Variants in PCDHB15 observed in about 807,000 individuals in gnomAD.
The protein encoded by PCDHB15 is protocadherin beta 15, also known as protocadherin beta-15.
For missense variants in PCDHB15, 1,032 were observed against 991.7 expected (o/e 1.04, Z -0.55); for synonymous variants, 492 against 447.9 (o/e 1.10, Z -1.24).
Position 141,245,597 on chromosome 5 carries a change from C to A in PCDHB15, c.19C>A (p.Arg7Ser), listed in dbSNP as rs147410183. The A allele has an allele frequency of 8.1e-6, 13 of 1,614,004 alleles. No homozygotes were observed. The Admixed American group carries it at 8.3e-5, about 10-fold the overall frequency. ...AGTAAAGATGGAGCCTGCAGGGGAG[C>A]GCTTTCCCGAACAAAGGCAAGTCCT... MEPAGERFPEQRQVLIL... is the reference protein window; with the variant it reads MEPAGESFPEQRQVLIL... Residue 7 changes from arginine to serine, a missense_variant, in exon 1 of 1, where the codon CGC becomes AGC. Coordinates refer to ENST00000231173, the MANE Select transcript of PCDHB15 (RefSeq NM_018935.4).
In PCDHB15 at chr5:141,246,940, C is replaced by T. The variant is rs1755280618; in HGVS notation, c.1362C>T (p.Thr454=). Residue 454 remains threonine (T), a synonymous_variant, in exon 1 of 1, where the codon ACC becomes ACT. Transcript: ENST00000231173. ...ACAACGCCCCCGCCTTCACCCAAAC[C>T]TCCTACACCCTGTTCGTCCGCGAGA... ...VNDNAPAFTQ[T]SYTLFVRENN... The T allele has an allele frequency of 1.2e-6, 2 of 1,613,474 alleles. No individual in the cohort carries two copies. The highest frequency in any genetic ancestry group is 1.7e-6 in the Non-Finnish European group (2 of 1,180,008).
Position 141,246,962 on chromosome 5 carries a change from G to A in PCDHB15, c.1384G>A (p.Glu462Lys). ...AACCTCCTACACCCTGTTCGTCCGC[G>A]AGAACAACAGCCCCGCCCTGCACAT... ...TQTSYTLFVR[E>K]NNSPALHIGS... Residue 462 changes from glutamate (E) to lysine (K), a missense_variant, in exon 1 of 1, where the codon GAG becomes AAG. Physicochemically the swap from Glu to Lys is moderately conservative, Grantham distance 56. Coordinates refer to ENST00000231173, the MANE Select transcript of PCDHB15 (RefSeq NM_018935.4). 6.2e-7 allele frequency: 1 copy of A among 1,613,272 alleles called. No individual in the cohort carries two copies. Among genetic ancestry groups the A allele is most frequent in the Non-Finnish European group, 8.5e-7 (1 of 1,180,012 alleles).
chr5:141,249,103 G>A lies in PCDHB15; in HGVS notation c.*1161G>A, dbSNP rs1230900776. The A allele has an allele frequency of 1.2e-4, 19 of 152,046 alleles. No homozygotes were observed. Among genetic ancestry groups the A allele is most frequent in the African/African-American group, 4.6e-4 (19 of 41,400 alleles). The allele number at this position is 152,046 out of a possible 1,614,324, so 9.4% of individuals were successfully genotyped here. A position where few individuals can be genotyped will look rare whatever the true frequency, so the allele number is the denominator to read the frequency against. Reference sequence around the variant, plus strand: ...AAATTAAGGTTCAAACAGAATTAAGGTTGCCAATCAGCTAAACTTAAAATA... The same window carrying A: ...AAATTAAGGTTCAAACAGAATTAAGATTGCCAATCAGCTAAACTTAAAATA... On this transcript the variant is annotated 3_prime_UTR_variant, in exon 1 of 1. Coordinates refer to ENST00000231173, the MANE Select transcript of PCDHB15 (RefSeq NM_018935.4).
At position 141,247,066 on chromosome 5, in the gene PCDHB15, G is replaced by T. The variant is rs546282724; in HGVS notation, c.1488G>T (p.Pro496=). Residue 496 remains proline, a synonymous_variant, in exon 1 of 1, where the codon CCG becomes CCT. Transcript: ENST00000231173. ...ACTCGCTGCTGCCGCCCCGGGACCC[G>T]CACCTGCCCCTCACCTCCCTGGTCT... ...VTYSLLPPRD[P]HLPLTSLVSI... 3 of 1,613,824 alleles carry T rather than the reference G, an allele frequency of 1.9e-6. No individual in the cohort carries two copies. The highest frequency in any genetic ancestry group is 1.7e-5 in the Admixed American group (1 of 60,008).
Position 141,247,461 on chromosome 5 carries a change from GGCT to G in PCDHB15, c.1888_1890del (p.Leu630del), listed in dbSNP as rs781878348. 6.2e-7 allele frequency: 1 copy of G among 1,607,872 alleles called. No individual in the cohort carries two copies. Among genetic ancestry groups the G allele is most frequent in the South Asian group, 1.1e-5 (1 of 90,986 alleles). On this transcript the variant is annotated inframe_deletion, in exon 1 of 1. Coordinates refer to ENST00000231173, the MANE Select transcript of PCDHB15 (RefSeq NM_018935.4). ...CACAATGGCGAGGTGCGCACCGCCA[GGCT>G]GCTGAGCGAGCGCGACGTGGCCAAG... is the stretch of plus-strand genomic sequence containing the variant.
rs1488696272 is a variant in PCDHB15 at position 141,248,086 on chromosome 5, TTGTC to T, written c.*147_*150del. 1.4e-5 allele frequency: 9 copies of T among 658,262 alleles called. No individual in the cohort carries two copies. The Admixed American group carries it at 2.2e-4, about 16-fold the overall frequency. 40.8% of individuals were successfully genotyped at this position (658,262 alleles called of 1,614,324 possible). On this transcript the variant is annotated 3_prime_UTR_variant, in exon 1 of 1. Coordinates refer to ENST00000231173, the MANE Select transcript of PCDHB15 (RefSeq NM_018935.4). ...TCTTTAGTAATGTTACTCATTTCCT[TTGTC>T]TGATTGTTAGTTTTCAAATTATTGT...
Position 141,248,142 on chromosome 5 carries a change from A to G in PCDHB15, c.*200A>G. On this transcript the variant is annotated 3_prime_UTR_variant, in exon 1 of 1. Transcript: ENST00000231173. ...TTATTATAAATATTTTATATCAGGA[A>G]AGTTCATATTTCTGAATAAATTAAT... 2.2e-6 allele frequency: 1 copy of G among 444,512 alleles called. No homozygotes were observed. Among genetic ancestry groups the G allele is most frequent in the Non-Finnish European group, 3.8e-6 (1 of 261,268 alleles). The allele number at this position is 444,512 out of a possible 1,614,324, so 27.5% of individuals were successfully genotyped here. A position where few individuals can be genotyped will look rare whatever the true frequency, so the allele number is the denominator to read the frequency against.
rs201913053 is a variant in PCDHB15 at position 141,246,927 on chromosome 5, C to A, written c.1349C>A (p.Ala450Asp). Residue 450 changes from alanine to aspartate, a missense_variant, in exon 1 of 1, where the codon GCC becomes GAC. By Grantham distance (126) the Ala-to-Asp change is moderately radical. Transcript: ENST00000231173. Reference sequence around the variant, plus strand: ...TCGGACGTCAATGACAACGCCCCCGCCTTCACCCAAACCTCCTACACCCTG... The same window carrying A: ...TCGGACGTCAATGACAACGCCCCCGACTTCACCCAAACCTCCTACACCCTG... ...LVSDVNDNAP[A>D]FTQTSYTLFV... is the part of the protein sequence containing the mutation. 6 of 1,613,520 alleles carry A rather than the reference C, an allele frequency of 3.7e-6. No homozygotes were observed. Among genetic ancestry groups the A allele is most frequent in the Non-Finnish European group, 5.1e-6 (6 of 1,180,020 alleles).
rs142189205 is a variant in PCDHB15 at position 141,247,731 on chromosome 5, G to C, written c.2153G>C (p.Arg718Thr). Residue 718 changes from arginine to threonine, a missense_variant, in exon 1 of 1, where the codon AGG becomes ACG. Coordinates refer to ENST00000231173, the MANE Select transcript of PCDHB15 (RefSeq NM_018935.4). Reference protein sequence around the residue: ...FVAVRLCRRSRAASVGRCSVP... With the variant: ...FVAVRLCRRSTAASVGRCSVP... ...GCAGTGCGGCTGTGCAGGAGGAGCA[G>C]GGCGGCCTCAGTGGGTCGCTGCTCG... 1 of 1,613,826 alleles carries C rather than the reference G, an allele frequency of 6.2e-7. No individual in the cohort carries two copies. Among genetic ancestry groups the C allele is most frequent in the Non-Finnish European group, 8.5e-7 (1 of 1,180,046 alleles).
In PCDHB15 at chr5:141,247,742, G is replaced by C; in HGVS notation, c.2164G>C (p.Val722Leu). The C allele has an allele frequency of 6.2e-7, 1 of 1,614,066 alleles. No homozygotes were observed. Among genetic ancestry groups the C allele is most frequent in the Non-Finnish European group, 8.5e-7 (1 of 1,180,042 alleles). ...RLCRRSRAAS[V>L]GRCSVPEGPF... Reference sequence around the variant, plus strand: ...GTGCAGGAGGAGCAGGGCGGCCTCAGTGGGTCGCTGCTCGGTGCCCGAGGG... The same window carrying C: ...GTGCAGGAGGAGCAGGGCGGCCTCACTGGGTCGCTGCTCGGTGCCCGAGGG... Residue 722 changes from valine (V) to leucine (L), a missense_variant, in exon 1 of 1, where the codon GTG becomes CTG. Transcript: ENST00000231173.
Position 141,248,610 on chromosome 5 carries a change from TG to T in PCDHB15, c.*674del, listed in dbSNP as rs2149696729. On this transcript the variant is annotated 3_prime_UTR_variant, in exon 1 of 1. Coordinates refer to ENST00000231173, the MANE Select transcript of PCDHB15 (RefSeq NM_018935.4). ...TCTCTATCTAATGTTATGATCCTAT[TG>T]GGGGGACTGGACAGGCTTTCTAATA... 6.6e-6 allele frequency: 1 copy of T among 152,338 alleles called. No individual in the cohort carries two copies. Among genetic ancestry groups the T allele is most frequent in the South Asian group, 2.1e-4 (1 of 4,828 alleles). 9.4% of individuals were successfully genotyped at this position (152,338 alleles called of 1,614,324 possible).
In PCDHB15 at chr5:141,246,661, A is replaced by G. The variant is rs1554291985; in HGVS notation, c.1083A>G (p.Pro361=). ...CCAGCCCTATTCCCGAGAATTCTCCAGAGACAGAAGTGGCCCTGTTTAGGA... is the reference window on the plus strand; with the variant it reads ...CCAGCCCTATTCCCGAGAATTCTCCGGAGACAGAAGTGGCCCTGTTTAGGA... The part of the protein sequence containing the change: ...SLTSPIPENS[P]ETEVALFRIR... The change falls in exon 1 of 1, where the codon CCA becomes CCG. Residue 361 remains proline (P), a synonymous_variant. Coordinates refer to ENST00000231173, the MANE Select transcript of PCDHB15 (RefSeq NM_018935.4). 1.2e-6 allele frequency: 2 copies of G among 1,614,206 alleles called. No homozygotes were observed. Among genetic ancestry groups the G allele is most frequent in the Non-Finnish European group, 1.7e-6 (2 of 1,180,026 alleles).
rs1755248985 is a variant in PCDHB15, at chr5:141,246,012, C to T, written c.434C>T (p.Thr145Ile). The T allele has an allele frequency of 6.2e-7, 1 of 1,614,046 alleles. No individual in the cohort carries two copies. Among genetic ancestry groups the T allele is most frequent in the Non-Finnish European group, 8.5e-7 (1 of 1,180,050 alleles). The change falls in exon 1 of 1, where the codon ACT (threonine) becomes ATT (isoleucine). Residue 145 changes from threonine (T) to isoleucine (I), a missense_variant. Transcript: ENST00000231173. ...GAAATGACCCTGAAAATCCCAGAAA[C>T]TAGCTCCCTTGGGACTGTGTTTCCT... is the stretch of plus-strand genomic sequence containing the variant. ...EREMTLKIPETSSLGTVFPLK... is the reference protein window; with the variant it reads ...EREMTLKIPEISSLGTVFPLK...
rs551164198 is a variant in PCDHB15 at position 141,247,251 on chromosome 5, C to G, written c.1673C>G (p.Ser558Trp). The change falls in exon 1 of 1, where the codon TCG (serine) becomes TGG (tryptophan). Residue 558 changes from serine (S) to tryptophan (W), a missense_variant. Physicochemically the swap from Ser to Trp is radical, Grantham distance 177 (BLOSUM62 -3). Transcript: ENST00000231173. ...RVLVLDANDN[S>W]PFVLYPLQNG... ...CTGGTGCTGGACGCCAACGACAACT[C>G]GCCCTTCGTGCTGTACCCGCTGCAG... 5 of 1,611,528 alleles carry G rather than the reference C, an allele frequency of 3.1e-6. No individual in the cohort carries two copies. The highest frequency in any genetic ancestry group is 2.2e-4 in the Middle Eastern group (1 of 4,520).
At position 141,247,000 on chromosome 5, in the gene PCDHB15, C is replaced by A. The variant is rs1554292079; in HGVS notation, c.1422C>A (p.Ser474Arg). The change falls in exon 1 of 1, where the codon AGC (serine) becomes AGA (arginine). Residue 474 changes from serine to arginine, a missense_variant. Coordinates refer to ENST00000231173, the MANE Select transcript of PCDHB15 (RefSeq NM_018935.4). ...NSPALHIGSV[S>R]ATDRDSGTNA... Reference sequence around the variant, plus strand: ...CCGCCCTGCACATCGGCAGTGTCAGCGCCACAGACAGAGACTCGGGCACCA... The same window carrying A: ...CCGCCCTGCACATCGGCAGTGTCAGAGCCACAGACAGAGACTCGGGCACCA... 1 of 1,613,232 alleles carries A rather than the reference C, an allele frequency of 6.2e-7. No individual in the cohort carries two copies. Among genetic ancestry groups the A allele is most frequent in the Admixed American group, 1.7e-5 (1 of 60,006 alleles).
rs147728352 is a variant in PCDHB15 at position 141,245,603 on chromosome 5, C to T, written c.25C>T (p.Pro9Ser). MEPAGERF[P>S]EQRQVLILLL... is the part of the protein sequence containing the mutation. ...GATGGAGCCTGCAGGGGAGCGCTTT[C>T]CCGAACAAAGGCAAGTCCTGATTCT... Residue 9 changes from proline to serine, a missense_variant, in exon 1 of 1, where the codon CCC becomes TCC. Transcript: ENST00000231173. 557 of 1,614,236 alleles carry T rather than the reference C, an allele frequency of 3.5e-4. 2 individuals are homozygous for T. The African/African-American group carries it at 6.8e-3, about 20-fold the overall frequency.
rs782780959 is a variant in PCDHB15 at position 141,246,795 on chromosome 5, A to T, written c.1217A>T (p.Glu406Val). The change falls in exon 1 of 1, where the codon GAA (glutamate) becomes GTA (valine). Residue 406 changes from glutamate to valine, a missense_variant. By Grantham distance (121) the Glu-to-Val change is moderately radical. Transcript: ENST00000231173. Reference protein sequence around the residue: ...SVENFYRLVTEGALDRETRAE... With the variant: ...SVENFYRLVTVGALDRETRAE... ...GAGAATTTCTACAGGCTGGTAACAGAAGGGGCGCTGGACAGAGAGACCAGA... is the reference window on the plus strand; with the variant it reads ...GAGAATTTCTACAGGCTGGTAACAGTAGGGGCGCTGGACAGAGAGACCAGA... 15 of 1,614,136 alleles carry T rather than the reference A, an allele frequency of 9.3e-6. No homozygotes were observed. The South Asian group carries it at 1.6e-4, about 18-fold the overall frequency.
rs1294062607 is a variant in PCDHB15, at chr5:141,248,614, G to C, written c.*672G>C. The C allele has an allele frequency of 2.0e-5, 3 of 152,172 alleles. No homozygotes were observed. Among genetic ancestry groups the C allele is most frequent in the African/African-American group, 7.2e-5 (3 of 41,438 alleles). The allele number at this position is 152,172 out of a possible 1,614,324, so 9.4% of individuals were successfully genotyped here. ...TATCTAATGTTATGATCCTATTGGG[G>C]GGACTGGACAGGCTTTCTAATACCC... On this transcript the variant is annotated 3_prime_UTR_variant, in exon 1 of 1. Coordinates refer to ENST00000231173, the MANE Select transcript of PCDHB15 (RefSeq NM_018935.4).
chr5:141,247,769 C>T lies in PCDHB15; in HGVS notation c.2191C>T (p.Pro731Ser), dbSNP rs1477127415. The change falls in exon 1 of 1, where the codon CCC becomes TCC. Residue 731 changes from proline to serine, a missense_variant. Physicochemically the swap from Pro to Ser is moderately conservative, Grantham distance 74. Coordinates refer to ENST00000231173, the MANE Select transcript of PCDHB15 (RefSeq NM_018935.4). ...GGGTCGCTGCTCGGTGCCCGAGGGC[C>T]CCTTTCCAGGGCATCTGGTGGACGT... ...SVGRCSVPEG[P>S]FPGHLVDVSG... The T allele has an allele frequency of 6.2e-7, 1 of 1,614,096 alleles. No homozygotes were observed. Among genetic ancestry groups the T allele is most frequent in the East Asian group, 2.2e-5 (1 of 44,888 alleles).
Sources: gnomAD v4.1 joint callset for allele counts on GRCh38, gnomAD v4.1.1 for gene constraint, MANE v1.5 for transcripts, NCBI Gene and HGNC (gene_info 2026-07-23, HGNC 2026-07-21) for gene names.